The following GRAMD1C variants were observed in gnomAD, a reference collection of about 807,000 sequenced individuals.
GRAMD1C encodes the protein GRAM domain containing 1C.
A neutral mutation model predicts 97.8 loss-of-function variants in GRAMD1C; 89 were observed. The observed-to-expected ratio is 0.91, with a 90% CI of 0.77 to 1.09. The LOEUF is 1.09. Among genes scored for constraint, GRAMD1C ranks in the 50% least tolerant of loss-of-function variants. The pLI is 0.00. For missense variants in GRAMD1C, 740 were observed against 766.4 expected, an observed-to-expected ratio of 0.97 and a Z score of 0.41; for synonymous variants, 256 against 267.0, an observed-to-expected ratio of 0.96 and a Z score of 0.40.
Position 113,879,104 on chromosome 3 carries a change from C to T in GRAMD1C, c.459+2844C>T, listed in dbSNP as rs566038391. On this transcript the variant is annotated intron_variant, in intron 5 of 17. Transcript: ENST00000358160. ...CCTGTAATCCCAGCTATTCAGGAGG[C>T]GGAGGCAAAAGAATCGCTTGAACCC... Among the ~76,000 whole-genome samples the T allele has an allele frequency of 7.9e-5, 12 of 151,846 alleles. No individual in the cohort carries two copies. In the East Asian group the frequency reaches 9.7e-4, roughly 12 times the overall value.
chr3:113,929,077 A>G (rs1937324331), intron 10 of GRAMD1C, among the ~76,000 whole-genome samples: 2 of 152,138 alleles, frequency 1.3e-5, no homozygotes, highest in Admixed American at 1.3e-4. Flanking sequence ...ATCATTTTAC[A>G]TTTCCACAAG....
intron 6 of GRAMD1C, among the ~76,000 whole-genome samples, chr3:113,898,227 G>T (rs974952): frequency 6.6e-6 from 1 of 151,872 alleles, no homozygotes; most frequent in Non-Finnish European, 1.5e-5. Context: ...TTCTTTTGCT[G>T]TTAGGAAGCT....
At chr3:113,924,379 A>T (rs1163255502) in intron 10 of GRAMD1C, among the ~76,000 whole-genome samples, 1 of 151,962 alleles carries the variant, frequency 6.6e-6, no homozygotes, top group Non-Finnish European at 1.5e-5. Flanking sequence ...TGTTATTTCT[A>T]GATCTTTCTA....
intron 8 of GRAMD1C, among the ~76,000 whole-genome samples, chr3:113,906,673 T>G (rs941349215): frequency 2.0e-5 from 3 of 152,294 alleles, no homozygotes; most frequent in Middle Eastern, 6.8e-3. Context: ...GTAAATCTAT[T>G]GTAGCCTAAG....
intron 6 of GRAMD1C, among the ~76,000 whole-genome samples, chr3:113,889,708 G>A (rs1209777539): frequency 7.3e-5 from 11 of 151,468 alleles, no homozygotes; most frequent in Admixed American, 4.6e-4. Context: ...TGGCGATCTC[G>A]GCTCACTGCA....
At chr3:113,936,521 A>G (rs1409912440) in intron 14 of GRAMD1C, 79 bp downstream of exon 14, 7 of 886,244 alleles carry the variant, frequency 7.9e-6, no homozygotes, top group African/African-American at 5.0e-5. Context: ...TGTTTGTAAG[A>G]ATATGTCAGG....
chr3:113,901,200 A>T, intron 7 of GRAMD1C, 54 bp downstream of exon 7: 1 of 931,190 alleles, frequency 1.1e-6, no homozygotes, highest in Non-Finnish European at 1.8e-6. Flanking sequence ...ATCAAAGCAG[A>T]ATTATTTTAC....
At chr3:113,839,048 T>A in intron 1 of GRAMD1C, 112 bp downstream of exon 1, 1 of 664,144 alleles carries the variant, frequency 1.5e-6, no homozygotes, top group Non-Finnish European at 2.1e-6. Context: ...CCTTCCCTTT[T>A]CTTCGTGCTC....
At chr3:113,925,553 T>G (rs1032362486) in intron 10 of GRAMD1C, among the ~76,000 whole-genome samples, 1 of 152,232 alleles carries the variant, frequency 6.6e-6, no homozygotes, top group African/African-American at 2.4e-5. Context: ...CACTGCCTTT[T>G]AATTGGGGCA....
chr3:113,892,026 A>G (rs2712345), intron 6 of GRAMD1C, among the ~76,000 whole-genome samples: 50,703 of 151,846 alleles, frequency 0.33, 9,019 homozygotes, highest in East Asian at 0.62. Context: ...ATTTTTCATT[A>G]AAGTACTATA....
chr3:113,915,641 A>C, intron 9 of GRAMD1C, 60 bp from the exon 10 acceptor site: 1 of 1,422,400 alleles, frequency 7.0e-7, no homozygotes, highest in Non-Finnish European at 9.7e-7. Context: ...AACCCCCTAA[A>C]GCCTTAAAAT....
intron 10 of GRAMD1C, among the ~76,000 whole-genome samples, chr3:113,923,992 C>T (rs1304325376): frequency 6.6e-6 from 1 of 151,568 alleles, no homozygotes; most frequent in Non-Finnish European, 1.5e-5. Flanking sequence ...TAATTTCTTC[C>T]TGGCTCAATC....
Position 113,945,862 on chromosome 3 carries a change from T to C in GRAMD1C, c.*384T>C, listed in dbSNP as rs1047760250. 1.7e-5 allele frequency: 3 copies of C among 173,176 alleles called. No homozygotes were observed. The highest frequency in any genetic ancestry group is 2.4e-5 in the Non-Finnish European group (2 of 82,526). The allele number at this position is 173,176 out of a possible 1,614,324, so 10.7% of individuals were successfully genotyped here. On this transcript the variant is annotated 3_prime_UTR_variant, in exon 18 of 18. Transcript: ENST00000358160. Reference sequence around the variant, plus strand: ...ATGTCCAATAGGTCGCTTTTGTAACTGAGATAAGACCAAGAGGATAAACAG... The same window carrying C: ...ATGTCCAATAGGTCGCTTTTGTAACCGAGATAAGACCAAGAGGATAAACAG...
chr3:113,878,667 A>G (rs2107391637), intron 5 of GRAMD1C, among the ~76,000 whole-genome samples: 1 of 152,310 alleles, frequency 6.6e-6, no homozygotes, highest in African/African-American at 2.4e-5. Context: ...TCCAAGTCCC[A>G]TCTAACACCA....
chr3:113,875,076 G>T (rs1017760879), intron 3 of GRAMD1C, among the ~76,000 whole-genome samples: 2 of 151,994 alleles, frequency 1.3e-5, no homozygotes, highest in African/African-American at 2.4e-5. Context: ...AAAGGCCTTT[G>T]CATGTGCTGT....
At chr3:113,829,247 C>T (rs749381169) in intron 1 of GRAMD1C, among the ~76,000 whole-genome samples, 18 of 152,058 alleles carry the variant, frequency 1.2e-4, no homozygotes, top group Non-Finnish European at 2.1e-4. Context: ...CATAGGGAGG[C>T]CCAGTCTGTA....
At chr3:113,851,037 C>T (rs531877440) in intron 2 of GRAMD1C, among the ~76,000 whole-genome samples, 1 of 152,228 alleles carries the variant, frequency 6.6e-6, no homozygotes, top group East Asian at 1.9e-4. Flanking sequence ...CTCCTGACCT[C>T]GTGATCTGCC....
intron 7 of GRAMD1C, among the ~76,000 whole-genome samples, chr3:113,901,990 TGACTGCA>T (rs1559803841): frequency 3.9e-5 from 6 of 152,084 alleles, no homozygotes; most frequent in Non-Finnish European, 8.8e-5. Context: ...TGACTGCAAG[TGACTGCA>T]AAGCATTTCT....
intron 11 of GRAMD1C, among the ~76,000 whole-genome samples, chr3:113,932,041 G>A (rs986594235): frequency 1.3e-5 from 2 of 152,178 alleles, no homozygotes; most frequent in Admixed American, 6.5e-5. Flanking sequence ...TTGACACATG[G>A]GAAGAGAATG....
Sources: gnomAD v4.1 joint callset for allele counts (sites outside exome capture counted in the v4.1 genomes callset) on GRCh38, gnomAD v4.1.1 for gene constraint, MANE v1.5 for transcripts, NCBI Gene and HGNC (gene_info 2026-07-23, HGNC 2026-07-21) for gene names.